The following CYB5R4 variants were observed in gnomAD, a reference collection of about 807,000 sequenced individuals.
The protein encoded by CYB5R4 is N-terminal cytochrome b5 and cytochrome b5 oxidoreductase domain-containing protein.
In CYB5R4, 55 loss-of-function variants were observed where a neutral mutation model predicts 70.2. The ratio of observed to expected loss-of-function variants is 0.78; its 90% confidence interval spans 0.63 to 0.98. CYB5R4 has a LOEUF of 0.98. CYB5R4 is among the 50% of genes least tolerant of loss of function. The pLI is 0.00. For synonymous variants in CYB5R4, 197 were observed against 199.5 expected (o/e 0.99, Z 0.11); for missense variants, 562 against 612.6 (o/e 0.92, Z 0.87).
At chr6:83,884,188 T>C (rs955584077) in intron 2 of CYB5R4, among the ~76,000 whole-genome samples, 12 of 151,948 alleles carry the variant, frequency 7.9e-5, no homozygotes, top group Non-Finnish European at 1.8e-4. Flanking sequence ...ATTATAATTA[T>C]CTATTGATAA....
chr6:83,899,035 G>A (rs554162005), intron 3 of CYB5R4, among the ~76,000 whole-genome samples: 2 of 152,040 alleles, frequency 1.3e-5, no homozygotes, highest in African/African-American at 4.8e-5. Flanking sequence ...GCGTCCCTGT[G>A]TTGTGCCAGT....
rs899781410 is a variant in CYB5R4 at position 83,905,899 on chromosome 6, G to T, written c.331-3110G>T. Among the ~76,000 whole-genome samples the T allele has an allele frequency of 3.3e-5, 5 of 152,148 alleles. No individual in the cohort carries two copies. In the South Asian group the frequency reaches 8.3e-4, roughly 25 times the overall value. On this transcript the variant is annotated intron_variant, in intron 3 of 15. Coordinates refer to ENST00000369681, the MANE Select transcript of CYB5R4 (RefSeq NM_016230.4). ...CCCTGCAGATGGCATGTGCAAGGAG[G>T]TGCTAGCTGTGGTGATAGCAGCCAG...
intron 12 of CYB5R4, among the ~76,000 whole-genome samples, chr6:83,938,835 A>ATT (rs34925112): frequency 6.9e-6 from 1 of 144,880 alleles, no homozygotes. Context: ...TATTATTATT[A>ATT]TTTTTTTTTT....
chr6:83,911,771 C>T (rs138011590), intron 4 of CYB5R4, among the ~76,000 whole-genome samples: 3 of 152,164 alleles, frequency 2.0e-5, no homozygotes, highest in Admixed American at 1.3e-4. Context: ...CATCTGGGTA[C>T]GGTGGCTGAC....
chr6:83,883,425 C>T (rs1048557262), intron 2 of CYB5R4, among the ~76,000 whole-genome samples: 2 of 151,668 alleles, frequency 1.3e-5, no homozygotes, highest in Non-Finnish European at 2.9e-5. Flanking sequence ...CATCTAGGCA[C>T]ATCCTAAACT....
Position 83,961,373 on chromosome 6 carries a change from T to C in CYB5R4, c.*1495T>C, listed in dbSNP as rs1264095669. 1 of 151,860 alleles carries C rather than the reference T, an allele frequency of 6.6e-6. No individual in the cohort carries two copies. The highest frequency in any genetic ancestry group is 1.5e-5 in the Non-Finnish European group (1 of 68,006). 9.4% of individuals were successfully genotyped at this position (151,860 alleles called of 1,614,324 possible). The stretch of plus-strand genomic sequence containing the variant: ...TTGGCTCTGTGTCCTCACCCAAATC[T>C]CCTCTCAAATTGTAATTCCCACATG... On this transcript the variant is annotated 3_prime_UTR_variant, in exon 16 of 16. Transcript: ENST00000369681.
At chr6:83,948,378 C>A (rs2099470977) in intron 14 of CYB5R4, among the ~76,000 whole-genome samples, 1 of 151,826 alleles carries the variant, frequency 6.6e-6, no homozygotes, top group South Asian at 2.1e-4. Context: ...AGGGTGGGGG[C>A]CAAAGGGAGG....
chr6:83,919,719 G>A (rs1375248925), intron 7 of CYB5R4, among the ~76,000 whole-genome samples: 1 of 151,222 alleles, frequency 6.6e-6, no homozygotes, highest in Non-Finnish European at 1.5e-5. Context: ...CATTCCTATA[G>A]CCTCTTAAAA....
chr6:83,864,214 C>A lies in CYB5R4; in HGVS notation c.115C>A (p.Arg39=). ...KQGRSLMDWI[R]LTKSGKDLTG... is the part of the protein sequence containing the mutation. The stretch of plus-strand genomic sequence containing the variant: ...GGGCAGAAGCCTTATGGATTGGATT[C>A]GACTGACCAAAAGTGGAAAGGATCT... The change falls in exon 2 of 16, where the codon CGA becomes AGA. Residue 39 remains arginine, a synonymous_variant. Coordinates refer to ENST00000369681, the MANE Select transcript of CYB5R4 (RefSeq NM_016230.4). 6.2e-7 allele frequency: 1 copy of A among 1,611,574 alleles called. No individual in the cohort carries two copies. The highest frequency in any genetic ancestry group is 8.5e-7 in the Non-Finnish European group (1 of 1,178,866).
At chr6:83,860,444 C>T (rs2099455752) in intron 1 of CYB5R4, among the ~76,000 whole-genome samples, 1 of 152,198 alleles carries the variant, frequency 6.6e-6, no homozygotes, top group South Asian at 2.1e-4. Context: ...GTATCACTTG[C>T]TAACTTCGAA....
At chr6:83,898,846 A>G (rs1316979713) in intron 3 of CYB5R4, among the ~76,000 whole-genome samples, 4 of 152,226 alleles carry the variant, frequency 2.6e-5, no homozygotes, top group Admixed American at 2.6e-4. Context: ...GTTGCTTATC[A>G]GCTTAAGGAG....
intron 9 of CYB5R4, among the ~76,000 whole-genome samples, chr6:83,923,549 T>C (rs1425485966): frequency 1.3e-5 from 2 of 152,188 alleles, no homozygotes; most frequent in African/African-American, 4.8e-5. Context: ...CTTTAAATCT[T>C]TAAAAGCATG....
chr6:83,936,133 T>C (rs2099468894), intron 11 of CYB5R4, 91 bp from the exon 12 acceptor site: 2 of 864,862 alleles, frequency 2.3e-6, no homozygotes, highest in African/African-American at 3.4e-5. Context: ...TTTAAATATA[T>C]ACTGATAGTG....
chr6:83,878,718 C>T (rs137926180), intron 2 of CYB5R4, among the ~76,000 whole-genome samples: 257 of 149,790 alleles, frequency 1.7e-3, no homozygotes, highest in African/African-American at 6.0e-3. Flanking sequence ...TATTTACACT[C>T]AGACATGTAG....
At position 83,955,365 on chromosome 6, in the gene CYB5R4, C is replaced by T. The variant is rs776823660; in HGVS notation, c.1414C>T (p.Pro472Ser). Residue 472 changes from proline to serine, a missense_variant, in exon 15 of 16, where the codon CCA (proline) becomes TCA (serine). Pro to Ser is a moderately conservative substitution (Grantham distance 74). Transcript: ENST00000369681. ...EWNGKQGHIS[P>S]ALLSEFLKRN... ...GAATGGCAAACAGGGACATATTTCA[C>T]CAGCTCTTCTTTCTGAATTTTTGAA... 1 of 1,613,916 alleles carries T rather than the reference C, an allele frequency of 6.2e-7. No individual in the cohort carries two copies. Among genetic ancestry groups the T allele is most frequent in the Admixed American group, 1.7e-5 (1 of 60,006 alleles).
At chr6:83,888,450 A>G (rs1015970822) in intron 2 of CYB5R4, among the ~76,000 whole-genome samples, 1 of 152,138 alleles carries the variant, frequency 6.6e-6, no homozygotes, top group South Asian at 2.1e-4. Context: ...TCACATTTTG[A>G]TAGTTCTTGC....
At chr6:83,901,051 C>G (rs2099462862) in intron 3 of CYB5R4, among the ~76,000 whole-genome samples, 1 of 152,224 alleles carries the variant, frequency 6.6e-6, no homozygotes, top group Non-Finnish European at 1.5e-5. Context: ...GCAGTTTCTT[C>G]CTAGCCTCGA....
chr6:83,948,091 T>C (rs1025098439), intron 14 of CYB5R4, among the ~76,000 whole-genome samples: 1 of 152,134 alleles, frequency 6.6e-6, no homozygotes, highest in African/African-American at 2.4e-5. Flanking sequence ...TGCAGCACTA[T>C]TCACAATAGC....
At chr6:83,957,637 A>AAAG (rs1450468735) in intron 15 of CYB5R4, among the ~76,000 whole-genome samples, 204 of 151,052 alleles carry the variant, frequency 1.4e-3, no homozygotes, top group African/African-American at 4.7e-3. Context: ...AAAAAAAAAA[A>AAAG]AAAAAAAAAT....
Sources: allele counts gnomAD v4.1 joint callset (sites outside exome capture counted in the v4.1 genomes callset), GRCh38; gene constraint gnomAD v4.1.1; transcripts MANE v1.5; gene names NCBI Gene and HGNC (gene_info 2026-07-23, HGNC 2026-07-21).